The following MEGF11 variants were observed in gnomAD, a reference collection of about 807,000 sequenced individuals.
MEGF11 encodes multiple EGF like domains 11.
MEGF11 carries 126 observed loss-of-function variants against 146.6 expected under a neutral mutation model. The observed-to-expected ratio is 0.86, with a 90% confidence interval of 0.74 to 1.00. MEGF11 has a LOEUF of 1.00. Among genes scored for constraint, MEGF11 ranks in the 50% least tolerant of loss-of-function variants. The pLI, the probability that MEGF11 is intolerant of heterozygous loss-of-function variation, is 0.00. For synonymous variants in MEGF11, 532 were observed against 583.4 expected (o/e 0.91, Z 1.27); for missense variants, 1,509 against 1,521.2 (o/e 0.99, Z 0.13).
chr15:65,989,707 G>A (rs914780970), intron 5 of MEGF11, among the ~76,000 whole-genome samples: 1 of 152,172 alleles, frequency 6.6e-6, no homozygotes, highest in African/African-American at 2.4e-5. Context: ...CTGAAGGATG[G>A]GTCAGAGCCA....
At chr15:65,910,084 A>T in intron 21 of MEGF11, 1 of 599,110 alleles carries the variant, frequency 1.7e-6, no homozygotes, top group Admixed American at 2.2e-5. Flanking sequence ...GCCCTGACAG[A>T]GGAAGCAGAT....
intron 5 of MEGF11, among the ~76,000 whole-genome samples, chr15:66,035,936 C>T (rs556587294): frequency 6.6e-6 from 1 of 152,334 alleles, no homozygotes; most frequent in South Asian, 2.1e-4. Flanking sequence ...TCCTCTGAGC[C>T]ACAGCCCCTC....
chr15:65,931,237 C>T (rs961238063), intron 10 of MEGF11, among the ~76,000 whole-genome samples: 2 of 152,146 alleles, frequency 1.3e-5, no homozygotes, highest in East Asian at 3.9e-4. Context: ...ATGAGGAGCC[C>T]TCCACCCGCT....
intron 5 of MEGF11, among the ~76,000 whole-genome samples, chr15:66,090,910 C>A (rs1438595840): frequency 3.9e-5 from 6 of 152,136 alleles, no homozygotes; most frequent in African/African-American, 1.4e-4. Flanking sequence ...GCCCAATGTG[C>A]AAATGTATAG....
intron 25 of MEGF11, chr15:65,898,498 T>G: frequency 7.1e-6 from 7 of 985,370 alleles, no homozygotes; most frequent in Non-Finnish European, 8.4e-6. Flanking sequence ...CCCCAGTATT[T>G]GTTTCATATT....
At chr15:66,204,734 C>T (rs190794052) in intron 1 of MEGF11, among the ~76,000 whole-genome samples, 31 of 152,308 alleles carry the variant, frequency 2.0e-4, no homozygotes, top group African/African-American at 7.0e-4. Context: ...CTGCATTTCC[C>T]TACTTGGGAA....
chr15:65,999,044 CTTCT>C (rs1002289948), intron 5 of MEGF11, among the ~76,000 whole-genome samples: 18 of 137,384 alleles, frequency 1.3e-4, no homozygotes, highest in African/African-American at 4.9e-4. Context: ...GTGGGTGTCA[CTTCT>C]TTTTTTTTTT....
chr15:66,201,612 C>T lies in MEGF11; in HGVS notation c.-9+51993G>A, dbSNP rs1332247079. On this transcript the variant is annotated intron_variant, in intron 1 of 25. Coordinates refer to ENST00000395614, the MANE Select transcript of MEGF11 (RefSeq NM_001385028.1). ...CTGCAATGATGGCACCTCTCCCTGC[C>T]GACACCCTGACATGTGGCCTGCCAT... is the stretch of plus-strand genomic sequence containing the variant. 2.0e-5 allele frequency among the ~76,000 whole-genome samples: 3 copies of T among 151,924 alleles called. No homozygotes were observed. The East Asian group carries it at 5.8e-4, about 29-fold the overall frequency.
intron 1 of MEGF11, among the ~76,000 whole-genome samples, chr15:66,230,027 A>C (rs1159755757): frequency 6.6e-6 from 1 of 152,078 alleles, no homozygotes; most frequent in African/African-American, 2.4e-5. Context: ...AGAGAGGGAG[A>C]TTCATGTCAT....
At chr15:65,926,416 ATAT>A (rs2079374212) in intron 13 of MEGF11, among the ~76,000 whole-genome samples, 1 of 152,252 alleles carries the variant, frequency 6.6e-6, no homozygotes, top group African/African-American at 2.4e-5. Context: ...TAATAAGCAC[ATAT>A]TATGTGCAGG....
chr15:66,149,714 G>A (rs901910707), intron 1 of MEGF11, among the ~76,000 whole-genome samples: 1 of 152,238 alleles, frequency 6.6e-6, no homozygotes, highest in Non-Finnish European at 1.5e-5. Flanking sequence ...AAAAGAGGGA[G>A]GGAGCCTGGC....
chr15:66,079,373 A>G (rs2140523967), intron 5 of MEGF11, among the ~76,000 whole-genome samples: 1 of 152,320 alleles, frequency 6.6e-6, no homozygotes, highest in African/African-American at 2.4e-5. Flanking sequence ...GAGACCCAGA[A>G]ACAGCAAAAG....
intron 4 of MEGF11, among the ~76,000 whole-genome samples, chr15:66,099,496 T>G (rs1015438934): frequency 6.6e-6 from 1 of 152,082 alleles, no homozygotes; most frequent in Non-Finnish European, 1.5e-5. Flanking sequence ...CACTCTCCTT[T>G]AATTTGGTGG....
intron 5 of MEGF11, among the ~76,000 whole-genome samples, chr15:66,029,809 G>A (rs902360135): frequency 6.6e-5 from 10 of 152,140 alleles, no homozygotes; most frequent in African/African-American, 2.4e-4. Flanking sequence ...TGGGGCTTCC[G>A]GCTTCCACTG....
intron 1 of MEGF11, among the ~76,000 whole-genome samples, chr15:66,144,787 C>T (rs1185356335): frequency 2.0e-5 from 3 of 152,208 alleles, no homozygotes; most frequent in East Asian, 3.8e-4. Context: ...AGGCAGGTGC[C>T]GTAGCATCCA....
chr15:66,023,151 A>AAAAAACAAC (rs768042311), intron 5 of MEGF11, among the ~76,000 whole-genome samples: 1 of 150,116 alleles, frequency 6.7e-6, no homozygotes, highest in South Asian at 2.1e-4. Context: ...AAAAAAAAAA[A>AAAAAACAAC]AAAACAAACT....
chr15:66,246,642 C>CA (rs57461790), intron 1 of MEGF11, among the ~76,000 whole-genome samples: 2,258 of 144,754 alleles, frequency 0.016, 26 homozygotes, highest in Non-Finnish European at 0.021. Context: ...CCATCTCCAC[C>CA]AAAAAAAAAA....
rs369733874 is a variant in MEGF11 at position 65,962,548 on chromosome 15, AC to A, written c.1112+2359del. Among the ~76,000 whole-genome samples the A allele has an allele frequency of 2.5e-3, 385 of 152,370 alleles. 2 individuals are homozygous for A. The highest frequency in any genetic ancestry group is 8.7e-3 in the African/African-American group (362 of 41,590). On this transcript the variant is annotated intron_variant, in intron 9 of 25. Transcript: ENST00000395614. ...GTTGAGAAACCCTAACTTCAACTGA[AC>A]AAAAACTTTGTGCCAGGGGCTCAGT...
chr15:65,916,628 C>A, intron 17 of MEGF11, 200 bp downstream of exon 17: 1 of 974,402 alleles, frequency 1.0e-6, no homozygotes, highest in Non-Finnish European at 1.6e-6. Flanking sequence ...GGACTTTGGG[C>A]TTGTCAATCC....
Sources: allele counts gnomAD v4.1 joint callset (sites outside exome capture counted in the v4.1 genomes callset), GRCh38; gene constraint gnomAD v4.1.1; transcripts MANE v1.5; gene names NCBI Gene and HGNC (gene_info 2026-07-23, HGNC 2026-07-21).